TMEM132D: variants seen among roughly 807,000 people sequenced by gnomAD.
The protein encoded by TMEM132D is mature OL transmembrane protein.
A neutral mutation model predicts 62.3 loss-of-function variants in TMEM132D; 21 were observed. The ratio of observed to expected loss-of-function variants is 0.34; its 90% CI spans 0.24 to 0.49. TMEM132D has a LOEUF of 0.49. Among genes scored for constraint, TMEM132D ranks in the 20% least tolerant of loss-of-function variants. The pLI is 0.99. For synonymous variants in TMEM132D, 621 were observed against 575.6 expected, an observed-to-expected ratio of 1.08 and a Z score of -1.13; for missense variants, 1,346 against 1,402.8, an observed-to-expected ratio of 0.96 and a Z score of 0.65.
intron 2 of TMEM132D, among the ~76,000 whole-genome samples, chr12:129,643,769 T>A (rs924718786): frequency 6.6e-6 from 1 of 152,032 alleles, no homozygotes; most frequent in Non-Finnish European, 1.5e-5. Flanking sequence ...TATCTACCTA[T>A]GACCTGGAAG....
intron 3 of TMEM132D, among the ~76,000 whole-genome samples, chr12:129,430,269 G>A (rs947528390): frequency 2.0e-5 from 3 of 152,030 alleles, no homozygotes; most frequent in African/African-American, 7.2e-5. Context: ...TTTAATGATC[G>A]CCATTCTAAC....
intron 2 of TMEM132D, among the ~76,000 whole-genome samples, chr12:129,621,070 G>A (rs1403579548): frequency 2.0e-5 from 3 of 152,184 alleles, no homozygotes; most frequent in Non-Finnish European, 4.4e-5. Context: ...CCAAGTGGAG[G>A]TTGACACCCC....
intron 3 of TMEM132D, among the ~76,000 whole-genome samples, chr12:129,361,615 T>A (rs1421507294): frequency 1.8e-4 from 28 of 152,208 alleles, no homozygotes; most frequent in Admixed American, 1.8e-3. Context: ...AACCCAAATG[T>A]CCATGGCAAA....
rs138088997 is a variant in TMEM132D at position 129,260,827 on chromosome 12, G to T, written c.1300-51164C>A. Among the ~76,000 whole-genome samples the T allele has an allele frequency of 2.6e-5, 4 of 152,148 alleles. No homozygotes were observed. In the East Asian group the frequency reaches 7.7e-4, roughly 29 times the overall value. On this transcript the variant is annotated intron_variant, in intron 4 of 8. Transcript: ENST00000422113. ...AATGGCCTCCAGCTCCATCTAAGTT[G>T]CTGGAAAAGACATTGTATCATTCAT...
intron 5 of TMEM132D, among the ~76,000 whole-genome samples, chr12:129,099,571 T>G (rs1394045536): frequency 1.3e-5 from 2 of 152,178 alleles, no homozygotes; most frequent in African/African-American, 4.8e-5. Flanking sequence ...TGTGGACCCT[T>G]CAGCCCACCA....
intron 3 of TMEM132D, among the ~76,000 whole-genome samples, chr12:129,517,544 C>T (rs1464150955): frequency 6.6e-6 from 1 of 152,102 alleles, no homozygotes; most frequent in Non-Finnish European, 1.5e-5. Context: ...TCCTACAGTT[C>T]TCTGGGATGG....
rs1875006239 is a variant in TMEM132D, at chr12:129,893,617, AT to A, written c.79+9643del. ...CTATGATAAGGGGTCTAGGTTTCTCATTTTCTGAATGAGTTAAAATTTTCCA... is the reference window on the plus strand; with the variant it reads ...CTATGATAAGGGGTCTAGGTTTCTCATTTCTGAATGAGTTAAAATTTTCCA... On this transcript the variant is annotated intron_variant, in intron 1 of 8. Transcript: ENST00000422113. Among the ~76,000 whole-genome samples the A allele has an allele frequency of 2.0e-5, 3 of 152,136 alleles. No homozygotes were observed. In the South Asian group the frequency reaches 6.2e-4, roughly 32 times the overall value.
intron 2 of TMEM132D, among the ~76,000 whole-genome samples, chr12:129,538,348 C>T (rs1425280854): frequency 1.3e-5 from 2 of 152,166 alleles, no homozygotes; most frequent in Non-Finnish European, 2.9e-5. Context: ...TATGGCCATG[C>T]AACTTGTGAC....
At chr12:129,872,763 T>A (rs1290659864) in intron 1 of TMEM132D, among the ~76,000 whole-genome samples, 1 of 152,212 alleles carries the variant, frequency 6.6e-6, no homozygotes, top group Non-Finnish European at 1.5e-5. Flanking sequence ...GCGCACAGGA[T>A]GTTGACCGTC....
At chr12:129,124,708 A>G (rs1181398233) in intron 5 of TMEM132D, among the ~76,000 whole-genome samples, 1 of 152,156 alleles carries the variant, frequency 6.6e-6, no homozygotes, top group Non-Finnish European at 1.5e-5. Flanking sequence ...GTGTTTGTTC[A>G]CCTATTGATG....
Position 129,832,035 on chromosome 12 carries a change from C to CTTTTTTTTTTTT in TMEM132D, c.79+71214_79+71225dup, listed in dbSNP as rs71085577. Among the ~76,000 whole-genome samples the CTTTTTTTTTTTT allele has an allele frequency of 1.4e-4, 13 of 94,146 alleles. 3 individuals carry two copies. The highest frequency in any genetic ancestry group is 6.5e-4 in the East Asian group (2 of 3,084). 61.8% of individuals were successfully genotyped at this position (94,146 alleles called of 152,430 possible). ...CAGGCACCTGCCACCATGCCCGGCT[C>CTTTTTTTTTTTT]TTTTTTTTTTTTTTTTTTTTTTTTT... is the stretch of plus-strand genomic sequence containing the variant. On this transcript the variant is annotated intron_variant, in intron 1 of 8. Coordinates refer to ENST00000422113, the MANE Select transcript of TMEM132D (RefSeq NM_133448.3).
chr12:129,482,945 CTG>C (rs59346043), intron 3 of TMEM132D, among the ~76,000 whole-genome samples: 8,434 of 144,138 alleles, frequency 0.059, 233 homozygotes, highest in African/African-American at 0.063. Context: ...CATATTTAAT[CTG>C]TGTGTGTGTG....
chr12:129,165,933 T>C (rs938791394), intron 5 of TMEM132D, among the ~76,000 whole-genome samples: 1 of 152,254 alleles, frequency 6.6e-6, no homozygotes, highest in African/African-American at 2.4e-5. Flanking sequence ...ACGCTGACTA[T>C]GGGCTGAGCC....
intron 4 of TMEM132D, among the ~76,000 whole-genome samples, chr12:129,337,425 A>C (rs1402665783): frequency 7.0e-6 from 1 of 141,988 alleles, no homozygotes; most frequent in African/African-American, 2.7e-5. Flanking sequence ...ATAGATATAG[A>C]TATAGATACA....
At position 129,815,844 on chromosome 12, in the gene TMEM132D, G is replaced by A. The variant is rs573673667; in HGVS notation, c.79+87417C>T. On this transcript the variant is annotated intron_variant, in intron 1 of 8. Coordinates refer to ENST00000422113, the MANE Select transcript of TMEM132D (RefSeq NM_133448.3). ...CTAGAAATGGAAGCTATTTTCCTTT[G>A]GAAATATGGACAAATGTCACGACTG... Among the ~76,000 whole-genome samples the A allele has an allele frequency of 3.3e-5, 5 of 152,222 alleles. No individual in the cohort carries two copies. The South Asian group carries it at 8.3e-4, about 25-fold the overall frequency.
At chr12:129,767,503 A>G (rs1035084545) in intron 1 of TMEM132D, among the ~76,000 whole-genome samples, 2 of 152,030 alleles carry the variant, frequency 1.3e-5, no homozygotes, top group Admixed American at 6.6e-5. Context: ...CCTATTCCCC[A>G]TGTCCCCTCA....
chr12:129,254,962 G>A (rs918722321), intron 4 of TMEM132D, among the ~76,000 whole-genome samples: 1 of 152,154 alleles, frequency 6.6e-6, no homozygotes, highest in African/African-American at 2.4e-5. Context: ...CTGGTGGGAG[G>A]TGATTGGATC....
At chr12:129,265,925 C>G (rs905763931) in intron 4 of TMEM132D, among the ~76,000 whole-genome samples, 2 of 152,088 alleles carry the variant, frequency 1.3e-5, no homozygotes, top group Admixed American at 1.3e-4. Flanking sequence ...TGATCTCTTC[C>G]CAAGTATAAT....
intron 4 of TMEM132D, among the ~76,000 whole-genome samples, chr12:129,215,707 G>A (rs977806641): frequency 6.6e-6 from 1 of 152,144 alleles, no homozygotes; most frequent in African/African-American, 2.4e-5. Context: ...GCATTAGTCT[G>A]TTTTCACACT....
Sources: gnomAD v4.1 joint callset for allele counts (sites outside exome capture counted in the v4.1 genomes callset) on GRCh38, gnomAD v4.1.1 for gene constraint, MANE v1.5 for transcripts, NCBI Gene and HGNC (gene_info 2026-07-23, HGNC 2026-07-21) for gene names.